Variants in IGSF21 observed in about 807,000 individuals in gnomAD.
IGSF21 encodes immunoglobin superfamily member 21, also known as immunoglobulin superfamily member 21.
In IGSF21, 28 loss-of-function variants were observed where a neutral mutation model predicts 46.8. The observed-to-expected ratio is 0.60, with a 90% confidence interval of 0.44 to 0.82. The LOEUF (loss-of-function observed/expected upper bound fraction) is 0.82, where lower values mean the gene tolerates loss of function less well. IGSF21 is among the 40% of genes least tolerant of loss of function. The pLI is 0.00. For synonymous variants in IGSF21, 284 were observed against 273.6 expected (o/e 1.04, Z -0.38); for missense variants, 624 against 665.5 (o/e 0.94, Z 0.69).
chr1:18,378,225 G>C (rs750600492), intron 9 of IGSF21, 31 bp from the exon 10 acceptor site: 9 of 1,596,650 alleles, frequency 5.6e-6, no homozygotes, highest in Middle Eastern at 1.7e-4. Flanking sequence ...GGGTCTGCAG[G>C]CTCTGACCCT....
rs531096006 is a variant in IGSF21 at position 18,285,345 on chromosome 1, A to G, written c.184-6521A>G. On this transcript the variant is annotated intron_variant, in intron 2 of 9. Transcript: ENST00000251296. ...TAAGTCCACCGGCCACGCTTTGATG[A>G]CTCTACTTGAAAAGCAACCTGGCCT... is the stretch of plus-strand genomic sequence containing the variant. Among the ~76,000 whole-genome samples, 39 of 151,912 alleles carry G rather than the reference A, an allele frequency of 2.6e-4. No homozygotes were observed. The South Asian group carries it at 7.9e-3, about 31-fold the overall frequency.
chr1:18,234,353 G>A (rs1353635511), intron 2 of IGSF21, among the ~76,000 whole-genome samples: 1 of 152,144 alleles, frequency 6.6e-6, no homozygotes, highest in African/African-American at 2.4e-5. Flanking sequence ...TCAGTCACAT[G>A]GGAAGGAAGA....
chr1:18,198,022 T>C (rs1295132044), intron 1 of IGSF21, among the ~76,000 whole-genome samples: 1 of 152,250 alleles, frequency 6.6e-6, no homozygotes, highest in African/African-American at 2.4e-5. Flanking sequence ...CTTAAAATGC[T>C]TGGCACACAG....
At chr1:18,373,138 G>A (rs561016423) in intron 6 of IGSF21, among the ~76,000 whole-genome samples, 13 of 152,274 alleles carry the variant, frequency 8.5e-5, no homozygotes, top group Non-Finnish European at 1.8e-4. Context: ...CCTCAAGCAG[G>A]GTGGTAGCCT....
intron 1 of IGSF21, among the ~76,000 whole-genome samples, chr1:18,184,959 A>G (rs1378992110): frequency 1.3e-5 from 2 of 152,234 alleles, no homozygotes; most frequent in African/African-American, 2.4e-5. Flanking sequence ...AAATGGGTTC[A>G]TAAGAGTACC....
intron 3 of IGSF21, among the ~76,000 whole-genome samples, chr1:18,311,215 C>T (rs990053132): frequency 6.6e-6 from 1 of 152,136 alleles, no homozygotes; most frequent in Non-Finnish European, 1.5e-5. Context: ...CACTCTTGAC[C>T]CAGCTGCAAG....
rs1229236268 is a variant in IGSF21 at position 18,273,464 on chromosome 1, C to CTTTCTT, written c.184-18400_184-18395dup. Among the ~76,000 whole-genome samples, 16 of 12,056 alleles carry CTTTCTT rather than the reference C, an allele frequency of 1.3e-3. 1 individual carries two copies. In the East Asian group the frequency reaches 0.036, roughly 27 times the overall value. 7.9% of individuals were successfully genotyped at this position (12,056 alleles called of 152,430 possible). A position where few individuals can be genotyped will look rare whatever the true frequency, so the allele number is the denominator to read the frequency against. ...TTTCTCACTTTCTTTCTTTCTCTCT[C>CTTTCTT]TTTCTTTCTTTCTTTCTTTCTTTCT... On this transcript the variant is annotated intron_variant, in intron 2 of 9. Coordinates refer to ENST00000251296, the MANE Select transcript of IGSF21 (RefSeq NM_032880.5).
At chr1:18,377,499 T>A (rs1052289496) in intron 9 of IGSF21, 68 bp downstream of exon 9, 12 of 1,293,002 alleles carry the variant, frequency 9.3e-6, no homozygotes, top group Middle Eastern at 1.9e-4. Context: ...AAAGCTCTGG[T>A]CCCCCAAACT....
chr1:18,341,982 G>A (rs1437307880), intron 4 of IGSF21, among the ~76,000 whole-genome samples: 2 of 151,338 alleles, frequency 1.3e-5, no homozygotes, highest in African/African-American at 2.4e-5. Context: ...TTTACATGAC[G>A]TTTCTGGTTG....
At chr1:18,188,960 G>T (rs543848609) in intron 1 of IGSF21, among the ~76,000 whole-genome samples, 2 of 152,336 alleles carry the variant, frequency 1.3e-5, no homozygotes, top group East Asian at 1.9e-4. Context: ...TGCTGCAGGG[G>T]TGAGGAGTGA....
At position 18,376,375 on chromosome 1, in the gene IGSF21, A is replaced by T; in HGVS notation, c.1081A>T (p.Ile361Phe). The T allele has an allele frequency of 1.2e-6, 2 of 1,613,800 alleles. No individual in the cohort carries two copies. Among genetic ancestry groups the T allele is most frequent in the South Asian group, 1.1e-5 (1 of 91,074 alleles). The change falls in exon 7 of 10, where the codon ATT (isoleucine) becomes TTT (phenylalanine). Residue 361 changes from isoleucine (I) to phenylalanine (F), a missense_variant. Physicochemically the swap from Ile to Phe is conservative, Grantham distance 21. Transcript: ENST00000251296. ...AGCCCGGGTAGGGGACACAGTGAGG[A>T]TTCTGGTCCATGGGTTTCAGGTCAG... ...SRARVGDTVRILVHGFQNEVF... is the reference protein window; with the variant it reads ...SRARVGDTVRFLVHGFQNEVF...
intron 1 of IGSF21, among the ~76,000 whole-genome samples, chr1:18,141,672 T>C (rs1490241507): frequency 6.6e-6 from 1 of 152,210 alleles, no homozygotes; most frequent in Non-Finnish European, 1.5e-5. Context: ...TCTCTGGGCC[T>C]CCATTTCCTT....
chr1:18,226,802 G>A (rs115576039), intron 1 of IGSF21, among the ~76,000 whole-genome samples: 1,751 of 152,288 alleles, frequency 0.011, 27 homozygotes, highest in African/African-American at 0.04. Context: ...TAAGACTATC[G>A]GACTGGATTG....
intron 1 of IGSF21, among the ~76,000 whole-genome samples, chr1:18,173,519 T>TCCTGTC (rs1313052564): frequency 6.6e-6 from 1 of 152,200 alleles, no homozygotes; most frequent in African/African-American, 2.4e-5. Context: ...CCCACCTGCT[T>TCCTGTC]CCTGTCCCTG....
chr1:18,259,868 T>C (rs1444721043), intron 2 of IGSF21, among the ~76,000 whole-genome samples: 1 of 152,120 alleles, frequency 6.6e-6, no homozygotes, highest in Non-Finnish European at 1.5e-5. Flanking sequence ...GAAAGAAGCA[T>C]GAGTTCTTGG....
chr1:18,297,402 A>C (rs1360102355), intron 3 of IGSF21, among the ~76,000 whole-genome samples: 2 of 152,182 alleles, frequency 1.3e-5, no homozygotes, highest in Non-Finnish European at 2.9e-5. Flanking sequence ...TTGAGTAGTT[A>C]CCATATATCA....
At position 18,288,556 on chromosome 1, in the gene IGSF21, G is replaced by A. The variant is rs1267113326; in HGVS notation, c.184-3310G>A. 5.9e-5 allele frequency among the ~76,000 whole-genome samples: 9 copies of A among 152,278 alleles called. 1 individual carries two copies. In the East Asian group the frequency reaches 9.7e-4, roughly 16 times the overall value. ...GAGAAATGTTTCTAGAATTAAAGGC[G>A]AGGTGTCTTCCAGCACACCCACCAC... is the stretch of plus-strand genomic sequence containing the variant. On this transcript the variant is annotated intron_variant, in intron 2 of 9. Transcript: ENST00000251296.
chr1:18,108,420 T>C (rs1457744328), intron 1 of IGSF21, among the ~76,000 whole-genome samples: 1 of 151,242 alleles, frequency 6.6e-6, no homozygotes, highest in Non-Finnish European at 1.5e-5. Flanking sequence ...AAATTGTGTG[T>C]CTTTGTTGTG....
intron 1 of IGSF21, among the ~76,000 whole-genome samples, chr1:18,152,452 C>G (rs1394928090): frequency 6.6e-6 from 1 of 152,150 alleles, no homozygotes; most frequent in African/African-American, 2.4e-5. Context: ...AAACACAGAC[C>G]ATAGACTCAG....
Sources: gnomAD v4.1 joint callset for allele counts (sites outside exome capture counted in the v4.1 genomes callset) on GRCh38, gnomAD v4.1.1 for gene constraint, MANE v1.5 for transcripts, NCBI Gene and HGNC (gene_info 2026-07-23, HGNC 2026-07-21) for gene names.